Variants in MTMR3 observed in about 807,000 individuals in gnomAD.
The protein encoded by MTMR3 is phosphatidylinositol-3,5-bisphosphate 3-phosphatase MTMR3.
Under a neutral mutation model 132.4 loss-of-function variants are expected in MTMR3, and 32 were observed. The ratio of observed to expected loss-of-function variants is 0.24; its 90% CI spans 0.18 to 0.32. The LOEUF (loss-of-function observed/expected upper bound fraction) is 0.32, where lower values mean the gene tolerates loss of function less well. MTMR3 is among the 10% of genes least tolerant of loss of function. The pLI, the probability that MTMR3 is intolerant of heterozygous loss-of-function variation, is 1.00. For synonymous variants in MTMR3, 556 were observed against 550.3 expected, an observed-to-expected ratio of 1.01 and a Z score of -0.14; for missense variants, 1,216 against 1,489.6, an observed-to-expected ratio of 0.82 and a Z score of 3.02.
chr22:29,990,003 G>GC (rs2066929926), intron 6 of MTMR3: 1 of 152,228 alleles, frequency 6.6e-6, no homozygotes, highest in African/African-American at 2.4e-5. Context: ...GGCCGAGGTG[G>GC]GGGTGGATCA....
In MTMR3 at chr22:30,028,146, C is replaced by T. The variant is rs1004258703; in HGVS notation, c.*2345C>T. The T allele has an allele frequency of 6.6e-5, 10 of 152,354 alleles. 1 individual carries two copies. Among genetic ancestry groups the T allele is most frequent in the Admixed American group, 6.5e-4 (10 of 15,280 alleles). 9.4% of individuals were successfully genotyped at this position (152,354 alleles called of 1,614,324 possible). A position where few individuals can be genotyped will look rare whatever the true frequency, so the allele number is the denominator to read the frequency against. ...TATTCCTCCTTCTCTGAAGAGTTCCCATCAGTAGTCATTACAACTACCTCT... is the reference window on the plus strand; with the variant it reads ...TATTCCTCCTTCTCTGAAGAGTTCCTATCAGTAGTCATTACAACTACCTCT... On this transcript the variant is annotated 3_prime_UTR_variant, in exon 20 of 20. Transcript: ENST00000401950.
Position 29,964,329 on chromosome 22 carries a change from T to TTTTG in MTMR3, c.-84-6628_-84-6625dup, listed in dbSNP as rs768594953. ...GGTCACATCTGCGATTTGTAGTGTT[T>TTTTG]TTTGTTTGTTTGTTTGTTTGTTATT... On this transcript the variant is annotated intron_variant, in intron 2 of 19. Transcript: ENST00000401950. Among the ~76,000 whole-genome samples the TTTTG allele has an allele frequency of 1.5e-3, 235 of 152,256 alleles. 2 individuals are homozygous for TTTTG. The highest frequency in any genetic ancestry group is 2.4e-3 in the Non-Finnish European group (161 of 67,998).
rs758233561 is a variant in MTMR3 at position 29,902,026 on chromosome 22, C to T, written c.-138+18667C>T. On this transcript the variant is annotated intron_variant, in intron 1 of 19. Transcript: ENST00000401950. ...CCATAAAAGCATTGATGCATGCATA[C>T]ATACACATGTGCCCATGTATTTTTT... Among the ~76,000 whole-genome samples the T allele has an allele frequency of 5.6e-4, 85 of 152,270 alleles. 3 individuals carry two copies. The Middle Eastern group carries it at 0.014, about 24-fold the overall frequency.
intron 7 of MTMR3, chr22:29,997,400 T>C (rs975122002): frequency 6.6e-6 from 1 of 152,256 alleles, no homozygotes; most frequent in Non-Finnish European, 1.5e-5. Flanking sequence ...CTTTTGTTGT[T>C]GTGGTTTCTT....
At chr22:29,963,086 A>G (rs1049734182) in intron 2 of MTMR3, among the ~76,000 whole-genome samples, 10 of 151,882 alleles carry the variant, frequency 6.6e-5, no homozygotes, top group Middle Eastern at 3.4e-3. Flanking sequence ...ACGTCCAGCT[A>G]GTTTTTGTAT....
At chr22:29,973,839 T>G (rs1469178383) in intron 3 of MTMR3, among the ~76,000 whole-genome samples, 1 of 152,072 alleles carries the variant, frequency 6.6e-6, no homozygotes, top group African/African-American at 2.4e-5. Flanking sequence ...CCTCAGGTGA[T>G]CCATCTGCCT....
chr22:29,891,272 TG>T (rs1368718330), intron 1 of MTMR3, among the ~76,000 whole-genome samples: 1 of 151,494 alleles, frequency 6.6e-6, no homozygotes, highest in Non-Finnish European at 1.5e-5. Context: ...TTTTTTACCC[TG>T]GGGTGTCTTG....
At chr22:29,970,886 G>A in intron 2 of MTMR3, 90 bp from the exon 3 acceptor site, 1 of 599,452 alleles carries the variant, frequency 1.7e-6, no homozygotes, top group Non-Finnish European at 2.9e-6. Context: ...CCTTTGTGAG[G>A]ATATGGCCGA....
At chr22:30,023,300 A>T in intron 19 of MTMR3, 1 of 711,112 alleles carries the variant, frequency 1.4e-6, no homozygotes, top group South Asian at 1.7e-5. Context: ...TATCTGAATC[A>T]TGCCATAGCT....
chr22:29,983,962 ATTATAT>A (rs1222847124), intron 5 of MTMR3: 1 of 150,582 alleles, frequency 6.6e-6, no homozygotes, highest in Non-Finnish European at 1.5e-5. Context: ...TTTTTATTTT[ATTATAT>A]TTATTTTATT....
chr22:29,909,082 C>G (rs1178408446), intron 1 of MTMR3, among the ~76,000 whole-genome samples: 3 of 151,794 alleles, frequency 2.0e-5, no homozygotes, highest in Non-Finnish European at 4.4e-5. Flanking sequence ...CACGACCTTC[C>G]CAGGCCCAAG....
rs1190619189 is a variant in MTMR3, at chr22:30,016,648, G to A, written c.1624G>A (p.Ala542Thr). The part of the protein sequence containing the change: ...RTCSVWSLLR[A>T]GNKAFKNLLY... Reference sequence around the variant, plus strand: ...ATGTTCCGTGTGGTCACTTCTTCGGGCAGGCAACAAGGCTTTCAAAAACCT... The same window carrying A: ...ATGTTCCGTGTGGTCACTTCTTCGGACAGGCAACAAGGCTTTCAAAAACCT... The change falls in exon 15 of 20, where the codon GCA (alanine) becomes ACA (threonine). Residue 542 changes from alanine to threonine, a missense_variant. Ala to Thr is a moderately conservative substitution (Grantham distance 58, BLOSUM62 0). This residue lies in a region of MTMR3 where 852 missense variants were observed against 852.0 expected (regional missense o/e 1.00). Transcript: ENST00000401950. The A allele has an allele frequency of 6.2e-7, 1 of 1,614,050 alleles. No homozygotes were observed. The highest frequency in any genetic ancestry group is 1.3e-5 in the African/African-American group (1 of 74,932).
At chr22:29,973,538 C>G (rs553087556) in intron 3 of MTMR3, among the ~76,000 whole-genome samples, 1 of 152,184 alleles carries the variant, frequency 6.6e-6, no homozygotes, top group African/African-American at 2.4e-5. Context: ...TTTGCAAACA[C>G]GAACACTAGA....
chr22:30,025,942 A>G lies in MTMR3; in HGVS notation c.*141A>G. ...CAGAGTGACAGATTTGGGATGCACCACTGGATTGTAGATTGATTTTTCTTT... is the reference window on the plus strand; with the variant it reads ...CAGAGTGACAGATTTGGGATGCACCGCTGGATTGTAGATTGATTTTTCTTT... On this transcript the variant is annotated 3_prime_UTR_variant, in exon 20 of 20. Transcript: ENST00000401950. 3.9e-6 allele frequency: 3 copies of G among 769,592 alleles called. No individual in the cohort carries two copies. Among genetic ancestry groups the G allele is most frequent in the Non-Finnish European group, 6.3e-6 (3 of 478,252 alleles). The allele number at this position is 769,592 out of a possible 1,614,324, so 47.7% of individuals were successfully genotyped here.
chr22:30,016,911 G>A (rs1235002111), intron 15 of MTMR3: 2 of 581,132 alleles, frequency 3.4e-6, no homozygotes, highest in South Asian at 2.4e-5. Flanking sequence ...GCTGAGGGTG[G>A]TTTGGTTTAA....
chr22:29,893,216 A>G lies in MTMR3; in HGVS notation c.-138+9857A>G, dbSNP rs144939586. Among the ~76,000 whole-genome samples, 3 of 152,316 alleles carry G rather than the reference A, an allele frequency of 2.0e-5. No homozygotes were observed. The East Asian group carries it at 5.8e-4, about 29-fold the overall frequency. ...GAGATTGTTCCTTCATCTTATGTGC[A>G]CAGAAAATATTTTCGTGGAAGAGGT... On this transcript the variant is annotated intron_variant, in intron 1 of 19. Coordinates refer to ENST00000401950, the MANE Select transcript of MTMR3 (RefSeq NM_021090.4).
At chr22:29,975,754 C>T (rs781643627) in intron 3 of MTMR3, among the ~76,000 whole-genome samples, 3 of 152,138 alleles carry the variant, frequency 2.0e-5, no homozygotes, top group African/African-American at 2.4e-5. Context: ...TACAGGCATG[C>T]GCCACTGTGC....
intron 1 of MTMR3, among the ~76,000 whole-genome samples, chr22:29,892,621 A>G (rs2064822138): frequency 1.3e-5 from 2 of 152,196 alleles, no homozygotes; most frequent in Non-Finnish European, 2.9e-5. Flanking sequence ...CCCAACCCCT[A>G]TAAATTATGA....
chr22:29,986,784 C>G (rs1243381393), intron 5 of MTMR3: 1 of 176,822 alleles, frequency 5.7e-6, no homozygotes, highest in Admixed American at 6.5e-5. Flanking sequence ...CCGCCTCAGC[C>G]TCTGGAGTAG....
Sources: gnomAD v4.1 joint callset for allele counts (sites outside exome capture counted in the v4.1 genomes callset) on GRCh38, gnomAD v4.1.1 for gene constraint, gnomAD v4.1.1 regional missense constraint, MANE v1.5 for transcripts, NCBI Gene and HGNC (gene_info 2026-07-23, HGNC 2026-07-21) for gene names.